The following DLG2 variants were observed in gnomAD, a reference collection of about 807,000 sequenced individuals.
DLG2 encodes the protein disks large homolog 2.
Under a neutral mutation model 132.5 loss-of-function variants are expected in DLG2, and 45 were observed. That is an observed-to-expected ratio of 0.34 (90% CI 0.27 to 0.44). The LOEUF (loss-of-function observed/expected upper bound fraction) is 0.44. DLG2 is among the 20% of genes least tolerant of loss of function. The probability of loss-of-function intolerance (pLI) is 1.00; values close to 1 mark genes in which losing one functional copy is unlikely to be tolerated. For synonymous variants in DLG2, 424 were observed against 419.6 expected, an observed-to-expected ratio of 1.01 and a Z score of -0.13; for missense variants, 1,045 against 1,196.9, an observed-to-expected ratio of 0.87 and a Z score of 1.87.
chr11:84,164,301 A>C (rs1221660475), intron 8 of DLG2, among the ~76,000 whole-genome samples: 3 of 152,206 alleles, frequency 2.0e-5, no homozygotes, highest in African/African-American at 7.2e-5. Flanking sequence ...ATTTTCATCT[A>C]TCTCAGAATT....
chr11:84,813,166 T>C (rs2076747644), intron 6 of DLG2, among the ~76,000 whole-genome samples: 1 of 151,394 alleles, frequency 6.6e-6, no homozygotes. Flanking sequence ...TTTTACAAAA[T>C]TAAATACATA....
intron 7 of DLG2, among the ~76,000 whole-genome samples, chr11:84,521,107 G>A (rs2099297734): frequency 6.6e-6 from 1 of 152,198 alleles, no homozygotes; most frequent in Admixed American, 6.5e-5. Flanking sequence ...GTTAAATAAT[G>A]ATGAGACTTA....
rs1466881861 is a variant in DLG2 at position 83,756,799 on chromosome 11, GGGAGTCTT to G, written c.1825+29883_1825+29890del. On this transcript the variant is annotated intron_variant, in intron 18 of 27. Coordinates refer to ENST00000376104, the MANE Select transcript of DLG2 (RefSeq NM_001142699.3). Reference sequence around the variant, plus strand: ...TTATTACATAGAGTTAGCAGTCTTAGGGAGTCTTGGAGTTCATTATTAACATAAAATAC... The same window carrying G: ...TTATTACATAGAGTTAGCAGTCTTAGGGAGTTCATTATTAACATAAAATAC... Among the ~76,000 whole-genome samples, 4 of 151,906 alleles carry G rather than the reference GGGAGTCTT, an allele frequency of 2.6e-5. No individual in the cohort carries two copies. In the East Asian group the frequency reaches 7.7e-4, roughly 29 times the overall value.
chr11:84,106,105 A>G (rs1180989101), intron 9 of DLG2, among the ~76,000 whole-genome samples: 1 of 152,124 alleles, frequency 6.6e-6, no homozygotes. Flanking sequence ...ATCAAAAAAG[A>G]TTAAAACAGG....
At chr11:84,681,068 TTA>T (rs1348967716) in intron 6 of DLG2, among the ~76,000 whole-genome samples, 5 of 152,326 alleles carry the variant, frequency 3.3e-5, no homozygotes, top group Admixed American at 2.6e-4. Flanking sequence ...GCATATCAAA[TTA>T]TATGACTTCA....
chr11:83,616,872 AT>A (rs2060901089), intron 19 of DLG2, among the ~76,000 whole-genome samples: 1 of 152,168 alleles, frequency 6.6e-6, no homozygotes, highest in Admixed American at 6.5e-5. Context: ...TGGATATCCA[AT>A]TGATGCAGTG....
intron 9 of DLG2, among the ~76,000 whole-genome samples, chr11:84,120,572 G>T (rs1335570240): frequency 1.3e-5 from 2 of 152,190 alleles, no homozygotes; most frequent in Non-Finnish European, 2.9e-5. Flanking sequence ...TGACAGTTCT[G>T]CCACAGAGTG....
At chr11:85,065,207 CTATT>C (rs995005682) in intron 6 of DLG2, among the ~76,000 whole-genome samples, 5 of 151,446 alleles carry the variant, frequency 3.3e-5, no homozygotes, top group African/African-American at 1.2e-4. Flanking sequence ...GAATAGTCCA[CTATT>C]TATTATTAGA....
At chr11:84,672,158 A>G (rs938368481) in intron 6 of DLG2, among the ~76,000 whole-genome samples, 1 of 152,174 alleles carries the variant, frequency 6.6e-6, no homozygotes, top group Non-Finnish European at 1.5e-5. Context: ...CATAACTAAT[A>G]GTGTAAAAAA....
chr11:85,626,270 A>G (rs2082023858), intron 2 of DLG2, among the ~76,000 whole-genome samples: 1 of 152,232 alleles, frequency 6.6e-6, no homozygotes, highest in Non-Finnish European at 1.5e-5. Flanking sequence ...TTCTTTTTTA[A>G]AGACTGCTTA....
chr11:84,682,617 G>T (rs2099734454), intron 6 of DLG2, among the ~76,000 whole-genome samples: 1 of 152,132 alleles, frequency 6.6e-6, no homozygotes, highest in Non-Finnish European at 1.5e-5. Flanking sequence ...TCAAAGTTCT[G>T]CCACTGGAGG....
intron 18 of DLG2, among the ~76,000 whole-genome samples, chr11:83,713,082 C>A (rs571205828): frequency 6.6e-6 from 1 of 152,084 alleles, no homozygotes; most frequent in South Asian, 2.1e-4. Flanking sequence ...ATACACTAGG[C>A]AGATTATCAT....
intron 6 of DLG2, among the ~76,000 whole-genome samples, chr11:84,952,168 C>T (rs2051010668): frequency 6.6e-6 from 1 of 152,194 alleles, no homozygotes; most frequent in Non-Finnish European, 1.5e-5. Flanking sequence ...ATTAAATATA[C>T]AAAAGAAATC....
chr11:84,529,290 A>G (rs1456788100), intron 7 of DLG2, among the ~76,000 whole-genome samples: 1 of 152,164 alleles, frequency 6.6e-6, no homozygotes, highest in Non-Finnish European at 1.5e-5. Flanking sequence ...GAAATCCTAG[A>G]CAAAGCAATC....
intron 18 of DLG2, among the ~76,000 whole-genome samples, chr11:83,655,958 T>C (rs1278482481): frequency 6.6e-6 from 1 of 152,218 alleles, no homozygotes; most frequent in Non-Finnish European, 1.5e-5. Context: ...CAAAGATGCC[T>C]AAACAGTGCA....
intron 6 of DLG2, among the ~76,000 whole-genome samples, chr11:84,564,539 G>A (rs1391787242): frequency 6.6e-6 from 1 of 152,138 alleles, no homozygotes; most frequent in Non-Finnish European, 1.5e-5. Context: ...AATATCGCTT[G>A]TTTTTAAATA....
chr11:84,846,483 C>T (rs1443842277), intron 6 of DLG2, among the ~76,000 whole-genome samples: 1 of 152,094 alleles, frequency 6.6e-6, no homozygotes, highest in Non-Finnish European at 1.5e-5. Context: ...TAGTTTACTG[C>T]TCTCTATCTC....
chr11:83,863,385 TC>T lies in DLG2; in HGVS notation c.1565+11034del, dbSNP rs561944293. On this transcript the variant is annotated intron_variant, in intron 16 of 27. Transcript: ENST00000376104. ...AGGCTTACTCACTCCACTATCTGTT[TC>T]TTTACCATGTGCTGTGTTCTGTCTT... Among the ~76,000 whole-genome samples the T allele has an allele frequency of 1.4e-3, 207 of 152,316 alleles. 1 individual carries two copies. Among genetic ancestry groups the T allele is most frequent in the African/African-American group, 4.7e-3 (197 of 41,594 alleles).
chr11:84,822,115 C>A (rs1347653974), intron 6 of DLG2, among the ~76,000 whole-genome samples: 1 of 151,708 alleles, frequency 6.6e-6, no homozygotes, highest in Non-Finnish European at 1.5e-5. Context: ...AAGATACGGC[C>A]CATAAGTGGC....
Sources: allele counts gnomAD v4.1 joint callset (sites outside exome capture counted in the v4.1 genomes callset), GRCh38; gene constraint gnomAD v4.1.1; transcripts MANE v1.5; gene names NCBI Gene and HGNC (gene_info 2026-07-23, HGNC 2026-07-21).